Variants in AHNAK observed in about 807,000 individuals in gnomAD.
AHNAK encodes AHNAK nucleoprotein, also known as neuroblast differentiation-associated protein AHNAK.
A neutral mutation model predicts 37.8 loss-of-function variants in AHNAK; 23 were observed. The ratio of observed to expected loss-of-function variants is 0.61; its 90% CI spans 0.44 to 0.86. AHNAK has a LOEUF of 0.86. AHNAK is among the 40% of genes least tolerant of loss of function. The pLI, the probability that AHNAK is intolerant of heterozygous loss-of-function variation, is 0.00. For missense variants in AHNAK, 7,411 were observed against 7,319.4 expected (o/e 1.01, Z -0.46); for synonymous variants, 2,481 against 2,636.3 (o/e 0.94, Z 1.80).
At chr11:62,536,980 A>T (rs1940969799) in intron 1 of AHNAK, among the ~76,000 whole-genome samples, 1 of 149,582 alleles carries the variant, frequency 6.7e-6, no homozygotes, top group Non-Finnish European at 1.5e-5. Flanking sequence ...TTTGAGACAG[A>T]GTCTCGTTCT....
intron 5 of AHNAK, among the ~76,000 whole-genome samples, chr11:62,469,725 C>T (rs1938992184): frequency 6.6e-6 from 1 of 152,088 alleles, no homozygotes; most frequent in African/African-American, 2.4e-5. Flanking sequence ...ACCTCAACCT[C>T]CCAAAGTGCT....
At chr11:62,440,632 AG>A (rs995954855) in intron 5 of AHNAK, among the ~76,000 whole-genome samples, 11 of 152,034 alleles carry the variant, frequency 7.2e-5, no homozygotes, top group Non-Finnish European at 1.3e-4. Flanking sequence ...CCCTATAATC[AG>A]GGGGGAAATG....
At chr11:62,446,490 A>G (rs113019567) in intron 5 of AHNAK, among the ~76,000 whole-genome samples, 4,203 of 152,306 alleles carry the variant, frequency 0.028, 198 homozygotes, top group African/African-American at 0.094. Context: ...GGGACTTCCC[A>G]GGGCACAACC....
At chr11:62,536,782 C>A (rs1345737635) in intron 1 of AHNAK, among the ~76,000 whole-genome samples, 8 of 152,088 alleles carry the variant, frequency 5.3e-5, no homozygotes, top group African/African-American at 1.9e-4. Flanking sequence ...CCTGGCTCTG[C>A]CTCCTTCTAG....
At chr11:62,465,906 C>A (rs1324021336) in intron 5 of AHNAK, among the ~76,000 whole-genome samples, 1 of 152,196 alleles carries the variant, frequency 6.6e-6, no homozygotes, top group African/African-American at 2.4e-5. Context: ...TAATTTTGGG[C>A]TTCTGTCCTC....
intron 5 of AHNAK, among the ~76,000 whole-genome samples, chr11:62,479,167 C>CTTTTTTTTTTTTTTTTTTTTT (rs33929407): frequency 6.0e-5 from 7 of 116,252 alleles, no homozygotes; most frequent in South Asian, 2.7e-4. Context: ...TTTCTTTTTT[C>CTTTTTTTTTTTTTTTTTTTTT]TTTTTTTTTT....
At chr11:62,514,219 C>T (rs1939965065), downstream of AHNAK, among the ~76,000 whole-genome samples, 1 of 152,124 alleles carries the variant, frequency 6.6e-6, no homozygotes, top group African/African-American at 2.4e-5. Context: ...CACACTCACC[C>T]CACCGTCACC....
At chr11:62,494,843 TA>T (rs1425266138) in intron 4 of AHNAK, among the ~76,000 whole-genome samples, 1 of 151,844 alleles carries the variant, frequency 6.6e-6, no homozygotes, top group Admixed American at 6.6e-5. Flanking sequence ...TCTACTAAAA[TA>T]CAAAAATTAG....
chr11:62,519,593 C>T lies in AHNAK; in HGVS notation c.14824G>A (p.Val4942Met), dbSNP rs1391927318. The change falls in exon 5 of 5, where the codon GTG (valine) becomes ATG (methionine). Residue 4942 changes from valine (V) to methionine (M), a missense_variant. Transcript: ENST00000378024. ...FSGPKLEGGE[V>M]DLKGPKVEAP... is the part of the protein sequence containing the mutation. ...TCAACTTTGGGTCCCTTGAGGTCCACTTCACCACCTTCTAACTTCGGACCT... is the reference window on the plus strand; with the variant it reads ...TCAACTTTGGGTCCCTTGAGGTCCATTTCACCACCTTCTAACTTCGGACCT... 1 of 1,613,526 alleles carries T rather than the reference C, an allele frequency of 6.2e-7. No individual in the cohort carries two copies. Among genetic ancestry groups the T allele is most frequent in the African/African-American group, 1.3e-5 (1 of 74,994 alleles).
intron 1 of AHNAK, among the ~76,000 whole-genome samples, chr11:62,542,206 G>A (rs1446373067): frequency 6.6e-6 from 1 of 151,968 alleles, no homozygotes; most frequent in Non-Finnish European, 1.5e-5. Flanking sequence ...CACAGCCCAG[G>A]GCAGCCTGCA....
chr11:62,501,142 G>T (rs1163559813), intron 4 of AHNAK, among the ~76,000 whole-genome samples: 1 of 152,036 alleles, frequency 6.6e-6, no homozygotes, highest in Admixed American at 6.6e-5. Context: ...AGCCCAGAAG[G>T]TGGAGTGGCA....
intron 1 of AHNAK, among the ~76,000 whole-genome samples, chr11:62,541,341 C>T (rs1941117594): frequency 6.6e-6 from 1 of 152,200 alleles, no homozygotes; most frequent in Non-Finnish European, 1.5e-5. Flanking sequence ...AAACTTCCGC[C>T]CAGCATGGCA....
At position 62,520,110 on chromosome 11, in the gene AHNAK, C is replaced by T. The variant is rs751188868; in HGVS notation, c.14307G>A (p.Val4769=). The part of the protein sequence containing the change: ...GPKVDINTPD[V]DVHGPDWHLK... ...GGTGCCAGTCTGGGCCATGAACATC[C>T]ACATCAGGGGTGTTGATGTCCACTT... The change falls in exon 5 of 5, where the codon GTG becomes GTA. Residue 4769 remains valine (V), a synonymous_variant. Transcript: ENST00000378024. 5.6e-6 allele frequency: 9 copies of T among 1,611,888 alleles called. No individual in the cohort carries two copies. Among genetic ancestry groups the T allele is most frequent in the East Asian group, 2.2e-5 (1 of 44,718 alleles).
rs1343715967 is a variant in AHNAK at position 62,519,071 on chromosome 11, C to T, written c.15346G>A (p.Glu5116Lys). The change falls in exon 5 of 5, where the codon GAA (glutamate) becomes AAA (lysine). Residue 5116 changes from glutamate (E) to lysine (K), a missense_variant. Coordinates refer to ENST00000378024, the MANE Select transcript of AHNAK (RefSeq NM_001620.3). ...AGTTCCAGATCAGGTGCCTGGAGTTCACCCTCCAGTTTGGGGCTAGGGAGA... is the reference window on the plus strand; with the variant it reads ...AGTTCCAGATCAGGTGCCTGGAGTTTACCCTCCAGTTTGGGGCTAGGGAGA... ...APLPSPKLEG[E>K]LQAPDLELSL... The T allele has an allele frequency of 1.2e-6, 2 of 1,612,890 alleles. No homozygotes were observed. Among genetic ancestry groups the T allele is most frequent in the Middle Eastern group, 1.6e-4 (1 of 6,076 alleles).
At position 62,529,588 on chromosome 11, in the gene AHNAK, CCCTTCAAGTCT is replaced by C; in HGVS notation, c.4818_4828del (p.Asp1607SerfsTer2). 6.2e-7 allele frequency: 1 copy of C among 1,614,102 alleles called. No individual in the cohort carries two copies. The highest frequency in any genetic ancestry group is 8.5e-7 in the Non-Finnish European group (1 of 1,180,022). On this transcript the variant is annotated frameshift_variant, in exon 5 of 5. Transcript: ENST00000378024. LOFTEE classifies it low-confidence loss of function (END_TRUNC). ...AGGGGCTTTCACATCAATTTCAGGA[CCCTTCAAGTCT>C]CCTTCCACTTTGGGAAGGGAAACAT...
intron 5 of AHNAK, among the ~76,000 whole-genome samples, chr11:62,489,640 C>T (rs1169199831): frequency 1.3e-5 from 2 of 151,908 alleles, no homozygotes; most frequent in African/African-American, 2.4e-5. Context: ...TGACCAGAGA[C>T]GGTAAGGACG....
Position 62,516,651 on chromosome 11 carries a change from G to C in AHNAK, c.*93C>G. 6.6e-7 allele frequency: 1 copy of C among 1,505,372 alleles called. No individual in the cohort carries two copies. The highest frequency in any genetic ancestry group is 2.3e-5 in the East Asian group (1 of 43,924). 93.3% of individuals were successfully genotyped at this position (1,505,372 alleles called of 1,614,324 possible). A position where few individuals can be genotyped will look rare whatever the true frequency, so the allele number is the denominator to read the frequency against. On this transcript the variant is annotated 3_prime_UTR_variant, in exon 5 of 5. Coordinates refer to ENST00000378024, the MANE Select transcript of AHNAK (RefSeq NM_001620.3). ...TCTTTGCATGATTGCTGAGGCAGTCGGTGTGTTTCCCTTTGGAGTTTATAT... is the reference window on the plus strand; with the variant it reads ...TCTTTGCATGATTGCTGAGGCAGTCCGTGTGTTTCCCTTTGGAGTTTATAT...
chr11:62,520,123 T>A lies in AHNAK; in HGVS notation c.14294A>T (p.Asn4765Ile). Residue 4765 changes from asparagine (N) to isoleucine (I), a missense_variant, in exon 5 of 5, where the codon AAC (asparagine) becomes ATC (isoleucine). Transcript: ENST00000378024. ...GCCATGAACATCCACATCAGGGGTGTTGATGTCCACTTTTGGGCCCTTGAT... is the reference window on the plus strand; with the variant it reads ...GCCATGAACATCCACATCAGGGGTGATGATGTCCACTTTTGGGCCCTTGAT... ...ADIKGPKVDI[N>I]TPDVDVHGPD... 1 of 1,612,492 alleles carries A rather than the reference T, an allele frequency of 6.2e-7. No homozygotes were observed. Among genetic ancestry groups the A allele is most frequent in the Non-Finnish European group, 8.5e-7 (1 of 1,179,676 alleles).
At chr11:62,479,167 C>CTTTTTTTTTTTTTTTTTTTTTTTTTTT (rs33929407) in intron 5 of AHNAK, among the ~76,000 whole-genome samples, 37 of 116,224 alleles carry the variant, frequency 3.2e-4, no homozygotes, top group East Asian at 5.0e-4. Context: ...TTTCTTTTTT[C>CTTTTTTTTTTTTTTTTTTTTTTTTTTT]TTTTTTTTTT....
Sources: allele counts gnomAD v4.1 joint callset (sites outside exome capture counted in the v4.1 genomes callset), GRCh38; gene constraint gnomAD v4.1.1; transcripts MANE v1.5; gene names NCBI Gene and HGNC (gene_info 2026-07-23, HGNC 2026-07-21).